The following C11orf65 variants were observed in gnomAD, a reference collection of about 807,000 sequenced individuals.
C11orf65 encodes chromosome 11 open reading frame 65, also known as protein MFI.
C11orf65 carries 38 observed loss-of-function variants against 35.3 expected under a neutral mutation model. That is an observed-to-expected ratio of 1.08 (90% CI 0.83 to 1.41). The LOEUF (loss-of-function observed/expected upper bound fraction) is 1.41, where lower values mean the gene tolerates loss of function less well. Among genes scored for constraint, C11orf65 ranks in the 40% most tolerant of loss-of-function variants. The pLI, the probability that C11orf65 is intolerant of heterozygous loss-of-function variation, is 0.00. For synonymous variants in C11orf65, 105 were observed against 114.4 expected (o/e 0.92, Z 0.53); for missense variants, 370 against 367.1 (o/e 1.01, Z -0.06).
chr11:108,445,038 G>A (rs1274097346), intron 2 of C11orf65, among the ~76,000 whole-genome samples: 2 of 152,222 alleles, frequency 1.3e-5, no homozygotes, highest in Non-Finnish European at 2.9e-5. Context: ...AAACTGCAAG[G>A]CAGCAGCAAG....
intron 4 of C11orf65, 42 bp from the exon 5 acceptor site, chr11:108,407,005 C>T (rs776995960): frequency 6.4e-7 from 1 of 1,567,376 alleles, no homozygotes; most frequent in South Asian, 1.1e-5. Flanking sequence ...AATGTAACTA[C>T]AAAAATGTTT....
intron 2 of C11orf65, chr11:108,356,167 A>G (rs1207775397): frequency 6.6e-6 from 1 of 152,240 alleles, no homozygotes; most frequent in Non-Finnish European, 1.5e-5. Flanking sequence ...TTAAAAAAAT[A>G]ATACATGGTA....
At chr11:108,312,530 GTATT>G (rs2084263156) in intron 6 of C11orf65, 1 of 1,449,820 alleles carries the variant, frequency 6.9e-7, no homozygotes, top group Non-Finnish European at 9.7e-7. Context: ...ATTTATGACA[GTATT>G]TATCTCATAC....
intron 6 of C11orf65, among the ~76,000 whole-genome samples, chr11:108,311,855 G>A (rs1174358533): frequency 2.6e-5 from 4 of 152,186 alleles, no homozygotes; most frequent in African/African-American, 9.7e-5. Flanking sequence ...TTACAGAACT[G>A]AATGTTATAT....
At chr11:108,327,685 G>A (rs1305313302), downstream of C11orf65, 3 of 1,613,886 alleles carry the variant, frequency 1.9e-6, no homozygotes, top group African/African-American at 2.7e-5. Context: ...GAATGTCTGA[G>A]GGTTTGTGGC....
chr11:108,393,091 G>GTTTTTTTTTTTT, intron 7 of C11orf65, 117 bp downstream of exon 7: 4 of 1,026,092 alleles, frequency 3.9e-6, no homozygotes, highest in South Asian at 3.8e-5. Context: ...AGATACTCGG[G>GTTTTTTTTTTTT]TTTTTTTTTT....
chr11:108,364,967 C>T, intron 2 of C11orf65: 1 of 1,184,436 alleles, frequency 8.4e-7, no homozygotes, highest in Non-Finnish European at 1.2e-6. Flanking sequence ...GTTTGTTCCC[C>T]TCCCCCATCA....
chr11:108,417,372 A>G (rs1047935990), intron 3 of C11orf65, among the ~76,000 whole-genome samples: 1 of 151,942 alleles, frequency 6.6e-6, no homozygotes, highest in Non-Finnish European at 1.5e-5. Flanking sequence ...GCAAAATACC[A>G]TCTCTACTAA....
chr11:108,395,541 A>T (rs1591455972), intron 6 of C11orf65, among the ~76,000 whole-genome samples: 1 of 148,764 alleles, frequency 6.7e-6, no homozygotes, highest in African/African-American at 2.5e-5. Flanking sequence ...CTGGTCTCAA[A>T]CTCCTGACCT....
At chr11:108,454,739 C>T (rs901604397) in intron 2 of C11orf65, among the ~76,000 whole-genome samples, 7 of 152,174 alleles carry the variant, frequency 4.6e-5, no homozygotes, top group African/African-American at 1.7e-4. Flanking sequence ...AGACTACAGA[C>T]GTGTGCCACC....
downstream of C11orf65, chr11:108,327,843 C>A (rs550477410): frequency 2.8e-5 from 30 of 1,054,842 alleles, no homozygotes; most frequent in East Asian, 7.0e-4. Flanking sequence ...ATTTCCAAAG[C>A]AAATAAAAGT....
chr11:108,322,434 G>A (rs1363512733), intron 6 of C11orf65, among the ~76,000 whole-genome samples: 4 of 152,172 alleles, frequency 2.6e-5, no homozygotes, highest in African/African-American at 7.2e-5. Context: ...GATTGCAGGC[G>A]TTAGCCACCA....
chr11:108,412,263 A>T (rs1346940935), intron 3 of C11orf65, among the ~76,000 whole-genome samples: 1 of 152,142 alleles, frequency 6.6e-6, no homozygotes, highest in Non-Finnish European at 1.5e-5. Context: ...AATCGTATAA[A>T]ATGCTCAATT....
intron 2 of C11orf65, among the ~76,000 whole-genome samples, chr11:108,445,943 T>A (rs1167287183): frequency 2.0e-5 from 3 of 152,046 alleles, no homozygotes; most frequent in Non-Finnish European, 4.4e-5. Context: ...CTGATGGAGC[T>A]GAAAGCCGAG....
chr11:108,425,765 C>T (rs891288211), intron 3 of C11orf65, among the ~76,000 whole-genome samples: 2 of 152,098 alleles, frequency 1.3e-5, no homozygotes, highest in Admixed American at 1.3e-4. Context: ...ACTGGCAAAC[C>T]GAATCTAGCA....
chr11:108,358,419 C>T (rs1462410254), intron 2 of C11orf65, among the ~76,000 whole-genome samples: 13 of 149,752 alleles, frequency 8.7e-5, no homozygotes, highest in South Asian at 6.5e-4. Context: ...GGCAGGCCAA[C>T]GTTCAGATTC....
At chr11:108,432,683 C>T (rs2093005973) in intron 2 of C11orf65, among the ~76,000 whole-genome samples, 1 of 152,080 alleles carries the variant, frequency 6.6e-6, no homozygotes, top group Non-Finnish European at 1.5e-5. Flanking sequence ...ACCCATAGTA[C>T]CAATATAACA....
At chr11:108,405,236 G>C (rs1490700843) in intron 6 of C11orf65, among the ~76,000 whole-genome samples, 193 bp downstream of exon 6, 1 of 152,152 alleles carries the variant, frequency 6.6e-6, no homozygotes, top group Non-Finnish European at 1.5e-5. Context: ...GTAGGCGGTT[G>C]GACACTCAGC....
intron 2 of C11orf65, among the ~76,000 whole-genome samples, chr11:108,447,839 T>G (rs977202420): frequency 1.3e-5 from 2 of 152,074 alleles, no homozygotes; most frequent in Non-Finnish European, 2.9e-5. Flanking sequence ...AATTAATGAA[T>G]TCAGGAGCTG....
Sources: allele counts gnomAD v4.1 joint callset (sites outside exome capture counted in the v4.1 genomes callset), GRCh38; gene constraint gnomAD v4.1.1; transcripts MANE v1.5; gene names NCBI Gene and HGNC (gene_info 2026-07-23, HGNC 2026-07-21).